Variants in QTMAN observed in about 807,000 individuals in gnomAD.
The protein encoded by QTMAN is tRNA-queuosine alpha-mannosyltransferase.
At chr2:143,941,764 C>T in the QTMAN span, 1 of 152,176 alleles carries the variant, frequency 6.6e-6, no homozygotes. Context: ...ATAACCACCT[C>T]CACTGTCCTT....
At chr2:144,088,562 T>A in the QTMAN span, among the ~76,000 whole-genome samples, 2 of 152,060 alleles carry the variant, frequency 1.3e-5, no homozygotes, top group Non-Finnish European at 2.9e-5. Flanking sequence ...ACTATCTGAT[T>A]TCAATACATA....
chr2:144,101,530 C>T, the QTMAN span, among the ~76,000 whole-genome samples: 1 of 152,160 alleles, frequency 6.6e-6, no homozygotes, highest in African/African-American at 2.4e-5. Flanking sequence ...AACAAGACCA[C>T]ACATTTATAC....
At chr2:144,009,485 C>T in the QTMAN span, among the ~76,000 whole-genome samples, 1 of 151,994 alleles carries the variant, frequency 6.6e-6, no homozygotes, top group African/African-American at 2.4e-5. Flanking sequence ...CATTCCAGAA[C>T]CAGAAAGCTT....
the QTMAN span, among the ~76,000 whole-genome samples, chr2:144,157,947 G>A: frequency 6.6e-6 from 1 of 151,972 alleles, no homozygotes; most frequent in Admixed American, 6.6e-5. Context: ...TTCTATGAGA[G>A]TCAAATATCT....
the QTMAN span, among the ~76,000 whole-genome samples, chr2:144,300,036 G>A: frequency 6.6e-6 from 1 of 152,238 alleles, no homozygotes; most frequent in South Asian, 2.1e-4. Context: ...AATGCCGTAT[G>A]ATTCAACTTA....
At chr2:144,329,734 A>T in the QTMAN span, among the ~76,000 whole-genome samples, 1 of 152,226 alleles carries the variant, frequency 6.6e-6, no homozygotes, top group Non-Finnish European at 1.5e-5. Context: ...TCAATATTGG[A>T]ATTCAACCTA....
the QTMAN span, among the ~76,000 whole-genome samples, chr2:144,143,807 A>G: frequency 6.6e-6 from 1 of 151,940 alleles, no homozygotes; most frequent in South Asian, 2.1e-4. Context: ...TAGTGAAATC[A>G]CTGTTTAAGG....
At chr2:144,271,360 C>CA in the QTMAN span, among the ~76,000 whole-genome samples, 1 of 152,290 alleles carries the variant, frequency 6.6e-6, no homozygotes, top group African/African-American at 2.4e-5. Context: ...CTTTCTTAAT[C>CA]ACTACAATCT....
the QTMAN span, chr2:144,317,342 G>A: frequency 7.5e-6 from 1 of 134,178 alleles, no homozygotes; most frequent in South Asian, 2.3e-4. Flanking sequence ...TGAATAAATT[G>A]GTATGCAACA....
the QTMAN span, among the ~76,000 whole-genome samples, chr2:144,272,911 C>A: frequency 6.6e-6 from 1 of 151,926 alleles, no homozygotes; most frequent in East Asian, 1.9e-4. Context: ...AACAGAAAGC[C>A]GCATATTTTT....
chr2:144,167,668 T>C, the QTMAN span, among the ~76,000 whole-genome samples: 4 of 152,128 alleles, frequency 2.6e-5, no homozygotes, highest in Non-Finnish European at 5.9e-5. Flanking sequence ...TGTTTCTCCT[T>C]TGCCTTCTGC....
the QTMAN span, among the ~76,000 whole-genome samples, chr2:144,121,557 C>T: frequency 1.3e-5 from 2 of 152,140 alleles, no homozygotes; most frequent in South Asian, 2.1e-4. Flanking sequence ...GTCAAAGACA[C>T]TACCATTGCA....
chr2:144,087,931 T>C, the QTMAN span, among the ~76,000 whole-genome samples: 3 of 151,966 alleles, frequency 2.0e-5, no homozygotes, highest in Non-Finnish European at 4.4e-5. Context: ...TTATTCAACA[T>C]AGTACTAGTC....
the QTMAN span, among the ~76,000 whole-genome samples, chr2:144,080,846 T>C: frequency 1.4e-4 from 22 of 152,288 alleles, no homozygotes; most frequent in Non-Finnish European, 1.3e-4. Context: ...GAAGGAAAAT[T>C]GTCATGTTGG....
At chr2:144,155,901 A>G in the QTMAN span, among the ~76,000 whole-genome samples, 1 of 151,966 alleles carries the variant, frequency 6.6e-6, no homozygotes, top group Non-Finnish European at 1.5e-5. Context: ...CCTGACAACC[A>G]TGAAAAAAAA....
chr2:143,949,234 T>G, the QTMAN span, among the ~76,000 whole-genome samples: 1 of 151,960 alleles, frequency 6.6e-6, no homozygotes, highest in Non-Finnish European at 1.5e-5. Flanking sequence ...TGGACACAAG[T>G]GTTCTGCGAT....
the QTMAN span, among the ~76,000 whole-genome samples, chr2:144,162,258 A>G: frequency 6.6e-6 from 1 of 152,096 alleles, no homozygotes; most frequent in Non-Finnish European, 1.5e-5. Flanking sequence ...AGGAACGAAT[A>G]TACTTCAAAG....
chr2:144,087,565 A>G, the QTMAN span, among the ~76,000 whole-genome samples: 1 of 152,114 alleles, frequency 6.6e-6, no homozygotes, highest in African/African-American at 2.4e-5. Flanking sequence ...AAAAATCCTC[A>G]ACAAAATACT....
At chr2:144,052,851 A>T in the QTMAN span, among the ~76,000 whole-genome samples, 1 of 152,076 alleles carries the variant, frequency 6.6e-6, no homozygotes, top group Non-Finnish European at 1.5e-5. Context: ...GGGTTTCTCC[A>T]TTGGTCAGGC....
Sources: allele counts gnomAD v4.1 joint callset (sites outside exome capture counted in the v4.1 genomes callset), GRCh38; gene constraint gnomAD v4.1.1; transcripts MANE v1.5; gene names NCBI Gene and HGNC (gene_info 2026-07-23, HGNC 2026-07-21).